Variants in C10orf90 observed in about 807,000 individuals in gnomAD.
The protein encoded by C10orf90 is chromosome 10 open reading frame 90, also known as (E2-independent) E3 ubiquitin-conjugating enzyme FATS.
Under a neutral mutation model 62.5 loss-of-function variants are expected in C10orf90, and 56 were observed. The observed-to-expected ratio is 0.90, with a 90% CI of 0.72 to 1.12. The LOEUF (loss-of-function observed/expected upper bound fraction) is 1.12, where lower values mean the gene tolerates loss of function less well. Among genes scored for constraint, C10orf90 ranks in the 50% most tolerant of loss-of-function variants. C10orf90 has a pLI of 0.00. For missense variants in C10orf90, 970 were observed against 880.4 expected (o/e 1.10, Z -1.29); for synonymous variants, 386 against 340.4 (o/e 1.13, Z -1.47).
intron 2 of C10orf90, among the ~76,000 whole-genome samples, chr10:126,613,399 G>A (rs1191134009): frequency 6.6e-6 from 1 of 151,976 alleles, no homozygotes; most frequent in African/African-American, 2.4e-5. Flanking sequence ...ACCATACCCA[G>A]CTAGTCTTTT....
intron 2 of C10orf90, among the ~76,000 whole-genome samples, chr10:126,608,745 C>A (rs1845368729): frequency 1.3e-5 from 2 of 152,150 alleles, no homozygotes; most frequent in South Asian, 4.1e-4. Flanking sequence ...CAATGCCAGG[C>A]TTCTCATACT....
In C10orf90 at chr10:126,504,407, A is replaced by G. The variant is rs183484091; in HGVS notation, c.1084T>C (p.Tyr362His). Residue 362 changes from tyrosine (Y) to histidine (H), a missense_variant, in exon 4 of 10, where the codon TAT becomes CAT. Tyr to His is a moderately conservative substitution (Grantham distance 83). Coordinates refer to ENST00000488181, the MANE Select transcript of C10orf90 (RefSeq NM_001350921.2). The surrounding 1 kb of genome is among the most constrained non-coding windows in gnomAD (Gnocchi z 4.1). ...ACGGAGAGAGACTTGTCTACGTAAT[A>G]GATTGAATCTGGACACTGCTGAGAC... ...RVSQQCPDSI[Y>H]YVDKSLSVPI... 30 of 1,614,206 alleles carry G rather than the reference A, an allele frequency of 1.9e-5. No homozygotes were observed. Among genetic ancestry groups the G allele is most frequent in the East Asian group, 1.8e-4 (8 of 44,876 alleles).
intron 2 of C10orf90, among the ~76,000 whole-genome samples, chr10:126,517,175 T>C (rs934633876): frequency 6.6e-6 from 1 of 152,180 alleles, no homozygotes; most frequent in African/African-American, 2.4e-5. Context: ...TTGGATGTAA[T>C]GTAGGGCCTT....
Position 126,620,961 on chromosome 10 carries a change from T to A in C10orf90, c.313+25604A>T, listed in dbSNP as rs538142753. ...TTTGTCACTGTTTTTTAATTTGACATAAGAATTATAGCATGTTTTATATTA... is the reference window on the plus strand; with the variant it reads ...TTTGTCACTGTTTTTTAATTTGACAAAAGAATTATAGCATGTTTTATATTA... On this transcript the variant is annotated intron_variant, in intron 2 of 9. Transcript: ENST00000488181. 2.4e-4 allele frequency among the ~76,000 whole-genome samples: 36 copies of A among 152,338 alleles called. 1 individual carries two copies. In the South Asian group the frequency reaches 7.5e-3, roughly 32 times the overall value.
intron 2 of C10orf90, among the ~76,000 whole-genome samples, chr10:126,637,950 C>T (rs1248359384): frequency 6.6e-6 from 1 of 152,098 alleles, no homozygotes; most frequent in African/African-American, 2.4e-5. Flanking sequence ...ATGTCAGTGG[C>T]TAGAGAGAAG....
At chr10:126,647,479 T>C (rs1846194968) in intron 1 of C10orf90, among the ~76,000 whole-genome samples, 1 of 152,230 alleles carries the variant, frequency 6.6e-6, no homozygotes, top group African/African-American at 2.4e-5. Context: ...CCCCTGCATC[T>C]GGGCAACCAG....
chr10:126,591,667 A>C (rs1844982371), intron 2 of C10orf90, among the ~76,000 whole-genome samples: 1 of 152,174 alleles, frequency 6.6e-6, no homozygotes, highest in Non-Finnish European at 1.5e-5. Context: ...CACCACTTAT[A>C]TTCAACATAG....
At chr10:126,624,999 C>T (rs991391165) in intron 2 of C10orf90, among the ~76,000 whole-genome samples, 3 of 152,166 alleles carry the variant, frequency 2.0e-5, no homozygotes, top group African/African-American at 7.2e-5. Flanking sequence ...GTTAAATCAC[C>T]TCTTGTTAAA....
chr10:126,623,813 C>G (rs1260885541), intron 2 of C10orf90, among the ~76,000 whole-genome samples: 5 of 142,038 alleles, frequency 3.5e-5, no homozygotes, highest in Non-Finnish European at 7.5e-5. Context: ...TGCATTCCAG[C>G]CTGGGTGACA....
At chr10:126,569,709 T>C (rs927205728) in intron 2 of C10orf90, among the ~76,000 whole-genome samples, 4 of 152,116 alleles carry the variant, frequency 2.6e-5, no homozygotes, top group Admixed American at 6.6e-5. Flanking sequence ...GCACAACCTG[T>C]TGGGTGTCTA....
At chr10:126,469,432 C>A (rs1838675738) in intron 4 of C10orf90, among the ~76,000 whole-genome samples, 1 of 152,156 alleles carries the variant, frequency 6.6e-6, no homozygotes. Context: ...CAAAGCAGGC[C>A]TCCCTGAGTG....
Position 126,536,907 on chromosome 10 carries a change from G to A in C10orf90, c.314-22968C>T, listed in dbSNP as rs760581229. ...AGTCAACCACCACCCTGCCAACTCTGTGGAACCTGCAATAGGAACACCTGA... is the reference window on the plus strand; with the variant it reads ...AGTCAACCACCACCCTGCCAACTCTATGGAACCTGCAATAGGAACACCTGA... On this transcript the variant is annotated intron_variant, in intron 2 of 9. Transcript: ENST00000488181. Among the ~76,000 whole-genome samples, 6 of 152,294 alleles carry A rather than the reference G, an allele frequency of 3.9e-5. No individual in the cohort carries two copies. The South Asian group carries it at 8.3e-4, about 21-fold the overall frequency.
chr10:126,531,816 G>T (rs1260409462), intron 2 of C10orf90, among the ~76,000 whole-genome samples: 1 of 152,124 alleles, frequency 6.6e-6, no homozygotes, highest in Non-Finnish European at 1.5e-5. Context: ...TTCATAAGGA[G>T]AAACTGTTAA....
At chr10:126,658,143 G>A (rs138553172) in intron 1 of C10orf90, among the ~76,000 whole-genome samples, 408 of 152,294 alleles carry the variant, frequency 2.7e-3, no homozygotes, top group Non-Finnish European at 4.0e-3. Flanking sequence ...TTGAAATGCC[G>A]ACAGCCATGA....
chr10:126,494,897 G>C (rs892468461), intron 4 of C10orf90, among the ~76,000 whole-genome samples: 1 of 152,204 alleles, frequency 6.6e-6, no homozygotes, highest in East Asian at 1.9e-4. Flanking sequence ...CTGTGCACCT[G>C]CCCTTCAGGC....
At chr10:126,428,831 A>G (rs112138865) in intron 8 of C10orf90, among the ~76,000 whole-genome samples, 2 of 152,244 alleles carry the variant, frequency 1.3e-5, no homozygotes, top group African/African-American at 4.8e-5. Flanking sequence ...GGCCCTTTAA[A>G]AACTCCAATT....
intron 1 of C10orf90, among the ~76,000 whole-genome samples, chr10:126,655,926 A>G (rs961663080): frequency 6.7e-6 from 1 of 149,276 alleles, no homozygotes; most frequent in South Asian, 2.1e-4. Flanking sequence ...CCTGGGGGGG[A>G]GAAGACCTTC....
intron 5 of C10orf90, among the ~76,000 whole-genome samples, 178 bp from the exon 6 acceptor site, chr10:126,461,763 C>T (rs768242385): frequency 2.4e-4 from 37 of 152,176 alleles, no homozygotes; most frequent in Non-Finnish European, 4.9e-4. Flanking sequence ...GCCCTGGTCA[C>T]AAGGAAGAGC....
chr10:126,593,383 G>T (rs982111194), intron 2 of C10orf90, among the ~76,000 whole-genome samples: 11 of 152,160 alleles, frequency 7.2e-5, no homozygotes, highest in African/African-American at 2.7e-4. Flanking sequence ...CATGTCCTTT[G>T]CAGGGACATG....
Sources: allele counts gnomAD v4.1 joint callset (sites outside exome capture counted in the v4.1 genomes callset), GRCh38; gene constraint gnomAD v4.1.1; non-coding constraint Gnocchi (gnomAD v3.1); transcripts MANE v1.5; gene names NCBI Gene and HGNC (gene_info 2026-07-23, HGNC 2026-07-21).